Variants in GRIK1 observed in about 807,000 individuals in gnomAD.
GRIK1 encodes the protein glutamate receptor ionotropic, kainate 1.
In GRIK1, 69 loss-of-function variants were observed where a neutral mutation model predicts 105.7. The ratio of observed to expected loss-of-function variants is 0.65; its 90% CI spans 0.54 to 0.80. The LOEUF is 0.80. GRIK1 is among the 30% of genes least tolerant of loss of function. GRIK1 has a pLI of 0.00. For synonymous variants in GRIK1, 438 were observed against 431.3 expected, an observed-to-expected ratio of 1.02 and a Z score of -0.19; for missense variants, 1,109 against 1,167.3, an observed-to-expected ratio of 0.95 and a Z score of 0.73.
intron 1 of GRIK1, among the ~76,000 whole-genome samples, chr21:29,756,460 G>A (rs770686784): frequency 1.3e-5 from 2 of 152,156 alleles, no homozygotes; most frequent in Non-Finnish European, 2.9e-5. Context: ...CTGCGTGTGT[G>A]AGTAGCAAAA....
At chr21:29,781,828 G>A (rs898477221) in intron 1 of GRIK1, among the ~76,000 whole-genome samples, 2 of 148,374 alleles carry the variant, frequency 1.3e-5, no homozygotes, top group African/African-American at 4.9e-5. Context: ...CCGCCACCGC[G>A]CCCGGCTAAT....
intron 3 of GRIK1, among the ~76,000 whole-genome samples, chr21:29,674,981 G>A (rs1477529018): frequency 6.6e-6 from 1 of 152,108 alleles, no homozygotes; most frequent in African/African-American, 2.4e-5. Context: ...CCACAGCCAC[G>A]TCATGAACTA....
chr21:29,768,207 G>A (rs2065723739), intron 1 of GRIK1, among the ~76,000 whole-genome samples: 1 of 152,090 alleles, frequency 6.6e-6, no homozygotes, highest in Non-Finnish European at 1.5e-5. Flanking sequence ...AAGAGACTTG[G>A]GTGCTAATTC....
At chr21:29,913,139 G>A (rs905616216) in intron 1 of GRIK1, among the ~76,000 whole-genome samples, 1 of 151,902 alleles carries the variant, frequency 6.6e-6, no homozygotes, top group Non-Finnish European at 1.5e-5. Flanking sequence ...CACCTGTGTT[G>A]CCCTGGCAGT....
chr21:29,812,664 A>G (rs1833198300), intron 1 of GRIK1, among the ~76,000 whole-genome samples: 3 of 152,170 alleles, frequency 2.0e-5, no homozygotes, highest in Admixed American at 6.5e-5. Flanking sequence ...AGCATCAAGC[A>G]TCCAGCACTA....
intron 1 of GRIK1, among the ~76,000 whole-genome samples, chr21:29,926,668 T>C (rs989291628): frequency 6.6e-6 from 1 of 151,762 alleles, no homozygotes; most frequent in Non-Finnish European, 1.5e-5. Flanking sequence ...TATATATATA[T>C]ACACATATAT....
intron 7 of GRIK1, among the ~76,000 whole-genome samples, chr21:29,606,922 C>T (rs1277397440): frequency 6.6e-6 from 1 of 152,180 alleles, no homozygotes; most frequent in Non-Finnish European, 1.5e-5. Flanking sequence ...TGGGTGCAGG[C>T]ACCTGTATTT....
At chr21:29,580,831 G>A (rs1294857401) in intron 13 of GRIK1, among the ~76,000 whole-genome samples, 2 of 151,820 alleles carry the variant, frequency 1.3e-5, no homozygotes, top group East Asian at 3.9e-4. Context: ...TACAAAAGCA[G>A]AATCCCCGAA....
intron 8 of GRIK1, among the ~76,000 whole-genome samples, chr21:29,598,377 A>G (rs1207046847): frequency 6.6e-6 from 1 of 152,220 alleles, no homozygotes; most frequent in Non-Finnish European, 1.5e-5. Context: ...AGTCTCTTCT[A>G]TCCTACTTTA....
intron 1 of GRIK1, among the ~76,000 whole-genome samples, chr21:29,781,732 G>A (rs1374228027): frequency 5.0e-5 from 5 of 100,044 alleles, no homozygotes; most frequent in African/African-American, 8.8e-5. Context: ...CTGCAGTGGC[G>A]CAATCTCGGC....
intron 1 of GRIK1, among the ~76,000 whole-genome samples, chr21:29,936,035 G>A (rs990460366): frequency 3.9e-5 from 6 of 152,170 alleles, no homozygotes; most frequent in African/African-American, 1.4e-4. Context: ...TGTGAGGTTT[G>A]CAATAGTTTT....
At position 29,824,367 on chromosome 21, in the gene GRIK1, T is replaced by C. The variant is rs532157319; in HGVS notation, c.118+115016A>G. Among the ~76,000 whole-genome samples, 29 of 152,050 alleles carry C rather than the reference T, an allele frequency of 1.9e-4. 1 individual carries two copies. The South Asian group carries it at 5.8e-3, about 30-fold the overall frequency. On this transcript the variant is annotated intron_variant, in intron 1 of 17. Coordinates refer to ENST00000327783, the MANE Select transcript of GRIK1 (RefSeq NM_001330994.2). Reference sequence around the variant, plus strand: ...TTCACATTCAGGGGTTATCATAGTATACAAATAGACAAGCAACCTCTTTTC... The same window carrying C: ...TTCACATTCAGGGGTTATCATAGTACACAAATAGACAAGCAACCTCTTTTC...
At chr21:29,692,798 C>A (rs1409976439) in intron 2 of GRIK1, among the ~76,000 whole-genome samples, 1 of 152,234 alleles carries the variant, frequency 6.6e-6, no homozygotes, top group African/African-American at 2.4e-5. Context: ...TGGTCTCGAT[C>A]TCCTGACCTC....
At chr21:29,833,218 C>T (rs2067691257) in intron 1 of GRIK1, among the ~76,000 whole-genome samples, 1 of 152,182 alleles carries the variant, frequency 6.6e-6, no homozygotes, top group Non-Finnish European at 1.5e-5. Flanking sequence ...GCATTTTGGT[C>T]ACAATAATTC....
chr21:29,686,165 T>C (rs1474364615), intron 3 of GRIK1, among the ~76,000 whole-genome samples: 1 of 152,246 alleles, frequency 6.6e-6, no homozygotes, highest in Non-Finnish European at 1.5e-5. Context: ...TCTTCATTTT[T>C]GAAGCCTCCT....
At chr21:29,683,428 A>C (rs551193818) in intron 3 of GRIK1, among the ~76,000 whole-genome samples, 1 of 152,284 alleles carries the variant, frequency 6.6e-6, no homozygotes, top group African/African-American at 2.4e-5. Flanking sequence ...TACACACCAC[A>C]GAATACTATG....
chr21:29,635,741 G>A (rs1320960722), intron 7 of GRIK1, among the ~76,000 whole-genome samples: 1 of 152,178 alleles, frequency 6.6e-6, no homozygotes, highest in African/African-American at 2.4e-5. Flanking sequence ...TTTAAATCCA[G>A]CATACTTTGT....
intron 1 of GRIK1, among the ~76,000 whole-genome samples, chr21:29,928,589 G>A (rs1008102766): frequency 6.6e-6 from 1 of 152,246 alleles, no homozygotes; most frequent in African/African-American, 2.4e-5. Flanking sequence ...GGACTTGAAG[G>A]TCACTTGGAG....
chr21:29,750,884 A>G (rs757298474), intron 1 of GRIK1, among the ~76,000 whole-genome samples: 1 of 152,226 alleles, frequency 6.6e-6, no homozygotes, highest in Non-Finnish European at 1.5e-5. Context: ...TGTGAGCAAT[A>G]AAGCTTTTTA....
Sources: gnomAD v4.1 joint callset for allele counts (sites outside exome capture counted in the v4.1 genomes callset) on GRCh38, gnomAD v4.1.1 for gene constraint, MANE v1.5 for transcripts, NCBI Gene and HGNC (gene_info 2026-07-23, HGNC 2026-07-21) for gene names.